The following LANCL3 variants were observed in gnomAD, a reference collection of about 807,000 sequenced individuals.
The protein encoded by LANCL3 is lanC-like protein 3.
Under a neutral mutation model 26.5 loss-of-function variants are expected in LANCL3, and 19 were observed. The ratio of observed to expected loss-of-function variants is 0.72; its 90% CI spans 0.50 to 1.05. The LOEUF (loss-of-function observed/expected upper bound fraction) is 1.05. Ranked by LOEUF, LANCL3 falls within the 50% of genes least tolerant of loss-of-function variation. The probability of loss-of-function intolerance (pLI) is 0.00; values close to 1 mark genes in which losing one functional copy is unlikely to be tolerated. For missense variants in LANCL3, 318 were observed against 362.7 expected (o/e 0.88, Z 1.00); for synonymous variants, 160 against 166.6 (o/e 0.96, Z 0.30).
chrX:37,671,930 C>T (rs1471646362), intron 4 of LANCL3, among the ~76,000 whole-genome samples: 2 of 111,115 alleles, frequency 1.8e-5, no homozygotes, highest in African/African-American at 6.5e-5. Context: ...AGGTGGAAGC[C>T]AGACCTGTTG....
intron 1 of LANCL3, among the ~76,000 whole-genome samples, chrX:37,610,848 A>G (rs1333321182): frequency 2.7e-5 from 3 of 112,679 alleles, no homozygotes; most frequent in Non-Finnish European, 3.7e-5. Flanking sequence ...TATACTGTAT[A>G]TAGTCCTTAT....
At chrX:37,618,245 G>C (rs1925061969) in intron 1 of LANCL3, among the ~76,000 whole-genome samples, 1 of 112,224 alleles carries the variant, frequency 8.9e-6, no homozygotes, top group Non-Finnish European at 1.9e-5. Context: ...CGTTTTTGTG[G>C]TGTTGCTTTT....
chrX:37,651,604 A>G (rs1926145474), intron 1 of LANCL3, among the ~76,000 whole-genome samples: 1 of 109,959 alleles, frequency 9.1e-6, no homozygotes, highest in Non-Finnish European at 1.9e-5. Context: ...TGGTTTTTGC[A>G]AGTTTTTTTT....
At chrX:37,584,469 G>T (rs1924001376) in intron 1 of LANCL3, among the ~76,000 whole-genome samples, 1 of 110,505 alleles carries the variant, frequency 9.0e-6, no homozygotes, top group South Asian at 3.9e-4. Flanking sequence ...TTGTTGGTAA[G>T]CTATTAATTA....
At chrX:37,591,746 A>G (rs1359980770) in intron 1 of LANCL3, among the ~76,000 whole-genome samples, 1 of 107,041 alleles carries the variant, frequency 9.3e-6, no homozygotes, top group African/African-American at 3.5e-5. Context: ...GGGTATGTAC[A>G]TTTTCAGGTA....
chrX:37,619,930 C>T (rs3126414), intron 1 of LANCL3, among the ~76,000 whole-genome samples: 18,984 of 111,896 alleles, frequency 0.17, 1,130 homozygotes, highest in African/African-American at 0.19. Flanking sequence ...AAGTTCACAT[C>T]TCTTCTTCAG....
At chrX:37,650,726 CT>C (rs1244849731) in intron 1 of LANCL3, among the ~76,000 whole-genome samples, 9 of 103,494 alleles carry the variant, frequency 8.7e-5, no homozygotes, top group African/African-American at 1.4e-4. Flanking sequence ...CTTTCACTCT[CT>C]TTTTTTTTTC....
intron 2 of LANCL3, 55 bp downstream of exon 2, chrX:37,655,866 A>G: frequency 9.1e-7 from 1 of 1,103,578 alleles, no homozygotes; most frequent in Non-Finnish European, 1.2e-6. Context: ...CTAAGATACT[A>G]CCAAATAAAG....
Position 37,632,856 on chromosome X carries a change from A to T in LANCL3, c.574-22832A>T, listed in dbSNP as rs782161047. Among the ~76,000 whole-genome samples, 49 of 111,667 alleles carry T rather than the reference A, an allele frequency of 4.4e-4. No homozygotes were observed. The East Asian group carries it at 0.013, about 29-fold the overall frequency. The stretch of plus-strand genomic sequence containing the variant: ...TTTGATGGGCTTCCCTTTGTGGGTA[A>T]CCCGACCTTTCTCTCTGGCTGCCCT... On this transcript the variant is annotated intron_variant, in intron 1 of 4. Transcript: ENST00000378619.
chrX:37,632,425 T>G (rs1159674516), intron 1 of LANCL3, among the ~76,000 whole-genome samples: 3 of 111,643 alleles, frequency 2.7e-5, no homozygotes, highest in African/African-American at 9.8e-5. Flanking sequence ...AGTCTGTGTC[T>G]TTTAATTGGA....
At chrX:37,573,294 A>T (rs1234246035) in intron 1 of LANCL3, among the ~76,000 whole-genome samples, 2 of 112,334 alleles carry the variant, frequency 1.8e-5, no homozygotes, top group Non-Finnish European at 3.8e-5. Flanking sequence ...GATCATAGTG[A>T]CTAGAACGGA....
In LANCL3 at chrX:37,575,928, G is replaced by T. The variant is rs782488313; in HGVS notation, c.573+3485G>T. On this transcript the variant is annotated intron_variant, in intron 1 of 4. Transcript: ENST00000378619. ...CCACAAGAGGAATTGCTCTCAGATT[G>T]TAGAGACAGTAATAGTTGTGTGACT... 4.4e-5 allele frequency among the ~76,000 whole-genome samples: 5 copies of T among 112,413 alleles called. No homozygotes were observed. In the East Asian group the frequency reaches 8.4e-4, roughly 19 times the overall value.
rs1923599733 is a variant in LANCL3 at position 37,572,083 on chromosome X, A to G, written c.213A>G (p.Gly71=). Residue 71 remains glycine, a synonymous_variant, in exon 1 of 5, where the codon GGA becomes GGG. Coordinates refer to ENST00000378619, the MANE Select transcript of LANCL3 (RefSeq NM_001170331.2). ...CQGGLYGGVA[G]VAYMLYHVSQ... ...GGGGGCTTTATGGCGGCGTGGCCGG[A>G]GTGGCGTATATGCTCTACCACGTCT... 5 of 1,178,424 alleles carry G rather than the reference A, an allele frequency of 4.2e-6. No individual in the cohort carries two copies. The highest frequency in any genetic ancestry group is 5.7e-6 in the Non-Finnish European group (5 of 881,826).
At position 37,676,458 on chromosome X, in the gene LANCL3, C is replaced by T. The variant is rs1556437295; in HGVS notation, c.*645C>T. The T allele has an allele frequency of 9.0e-6, 1 of 111,606 alleles. No homozygotes were observed. The highest frequency in any genetic ancestry group is 1.9e-5 in the Non-Finnish European group (1 of 53,077). 9.2% of individuals were successfully genotyped at this position (111,606 alleles called of 1,213,427 possible). On this transcript the variant is annotated 3_prime_UTR_variant, in exon 5 of 5. Coordinates refer to ENST00000378619, the MANE Select transcript of LANCL3 (RefSeq NM_001170331.2). The stretch of plus-strand genomic sequence containing the variant: ...TACTAAAATTTGAAGTTTCCTTAGG[C>T]CCTAGAACATCTCTTTTCCTGGTTC...
chrX:37,591,006 G>GA (rs1177527520), intron 1 of LANCL3, among the ~76,000 whole-genome samples: 1 of 111,952 alleles, frequency 8.9e-6, no homozygotes, highest in African/African-American at 3.2e-5. Context: ...GGAACTAGGT[G>GA]AGGGCATATG....
chrX:37,618,558 G>A (rs1284197830), intron 1 of LANCL3, among the ~76,000 whole-genome samples: 5 of 111,836 alleles, frequency 4.5e-5, no homozygotes, highest in Non-Finnish European at 9.4e-5. Context: ...GGGCTGTAAG[G>A]GGAATCTGTT....
rs1923578119 is a variant in LANCL3, at chrX:37,571,753, C to T, written c.-118C>T. 1.7e-6 allele frequency: 1 copy of T among 580,944 alleles called. No individual in the cohort carries two copies. Among genetic ancestry groups the T allele is most frequent in the Admixed American group, 3.9e-5 (1 of 25,389 alleles). The allele number at this position is 580,944 out of a possible 1,213,427, so 47.9% of individuals were successfully genotyped here. On this transcript the variant is annotated 5_prime_UTR_variant, in exon 1 of 5. Transcript: ENST00000378619. ...ACCTCCCGTCTCATCCTTCTCGCTC[C>T]TTCCCCGCCGCATACACCGGCATCC... is the stretch of plus-strand genomic sequence containing the variant.
At chrX:37,572,826 G>T (rs1556415943) in intron 1 of LANCL3, among the ~76,000 whole-genome samples, 1 of 111,921 alleles carries the variant, frequency 8.9e-6, no homozygotes, top group Non-Finnish European at 1.9e-5. Flanking sequence ...TCGAATGTTA[G>T]AGTGCTAGAA....
At position 37,681,741 on chromosome X, in the gene LANCL3, T is replaced by C. The variant is rs1926940194; in HGVS notation, c.*5928T>C. The C allele has an allele frequency of 8.9e-6, 1 of 111,952 alleles. No homozygotes were observed. The highest frequency in any genetic ancestry group is 1.9e-5 in the Non-Finnish European group (1 of 53,184). The allele number at this position is 111,952 out of a possible 1,213,427, so 9.2% of individuals were successfully genotyped here. On this transcript the variant is annotated 3_prime_UTR_variant, in exon 5 of 5. Coordinates refer to ENST00000378619, the MANE Select transcript of LANCL3 (RefSeq NM_001170331.2). ...AGAATCCTAGAAATTGCCACAAGTG[T>C]CTCTCCATAAGAAAAACTTTGTGTT...
Sources: gnomAD v4.1 joint callset for allele counts (sites outside exome capture counted in the v4.1 genomes callset) on GRCh38, gnomAD v4.1.1 for gene constraint, MANE v1.5 for transcripts, NCBI Gene and HGNC (gene_info 2026-07-23, HGNC 2026-07-21) for gene names.